Variants in CCDC141 observed in about 807,000 individuals in gnomAD.
The protein encoded by CCDC141 is coiled-coil domain containing 141.
A neutral mutation model predicts 181.0 loss-of-function variants in CCDC141; 168 were observed. The observed-to-expected ratio is 0.93, with a 90% CI of 0.82 to 1.05. CCDC141 has a LOEUF of 1.05. CCDC141 is among the 50% of genes least tolerant of loss of function. The pLI, the probability that CCDC141 is intolerant of heterozygous loss-of-function variation, is 0.00. For synonymous variants in CCDC141, 666 were observed against 642.3 expected, an observed-to-expected ratio of 1.04 and a Z score of -0.56; for missense variants, 1,902 against 1,788.5, an observed-to-expected ratio of 1.06 and a Z score of -1.14.
chr2:179,015,965 T>C (rs1378581853), intron 2 of CCDC141, among the ~76,000 whole-genome samples: 4 of 146,714 alleles, frequency 2.7e-5, no homozygotes, highest in African/African-American at 9.9e-5. Flanking sequence ...ATATATATCA[T>C]ATATATATCT....
At chr2:178,973,627 A>G (rs1170084462) in intron 4 of CCDC141, among the ~76,000 whole-genome samples, 1 of 152,124 alleles carries the variant, frequency 6.6e-6, no homozygotes, top group Non-Finnish European at 1.5e-5. Context: ...TTAAGACTAC[A>G]TTCCCCCTGC....
At chr2:178,976,221 T>A (rs1244028273) in intron 3 of CCDC141, among the ~76,000 whole-genome samples, 2 of 152,312 alleles carry the variant, frequency 1.3e-5, no homozygotes, top group East Asian at 3.9e-4. Context: ...TATCACAATT[T>A]ATATGAGCAT....
chr2:178,884,711 T>C (rs1575168428), intron 11 of CCDC141, among the ~76,000 whole-genome samples, 190 bp downstream of exon 11: 1 of 152,214 alleles, frequency 6.6e-6, no homozygotes, highest in Non-Finnish European at 1.5e-5. Context: ...CTTGGCTAAA[T>C]AAACCTTTAT....
chr2:179,025,876 T>C (rs1390778472), intron 2 of CCDC141, among the ~76,000 whole-genome samples: 1 of 151,996 alleles, frequency 6.6e-6, no homozygotes, highest in African/African-American at 2.4e-5. Context: ...ACTTATTGTG[T>C]TTTAGCAAAG....
intron 1 of CCDC141, among the ~76,000 whole-genome samples, chr2:179,048,962 G>A (rs945867727): frequency 6.6e-6 from 1 of 152,174 alleles, no homozygotes; most frequent in Non-Finnish European, 1.5e-5. Flanking sequence ...AATTAAACCT[G>A]GTGGGGACCT....
At chr2:178,971,224 A>AT (rs1690871558) in intron 4 of CCDC141, among the ~76,000 whole-genome samples, 1 of 152,284 alleles carries the variant, frequency 6.6e-6, no homozygotes, top group Admixed American at 6.5e-5. Context: ...AAAAAAATTT[A>AT]TAAGAAAAAA....
intron 2 of CCDC141, among the ~76,000 whole-genome samples, chr2:178,984,834 C>T (rs1425753756): frequency 2.6e-5 from 4 of 152,190 alleles, no homozygotes; most frequent in East Asian, 3.9e-4. Flanking sequence ...GAGTGACCTA[C>T]GAAGAGACTT....
rs1289701267 is a variant in CCDC141 at position 178,918,890 on chromosome 2, A to G, written c.915T>C (p.Val305=). The change falls in exon 7 of 24, where the codon GTT becomes GTC. Residue 305 remains valine, a synonymous_variant. Transcript: ENST00000443758. Reference sequence around the variant, plus strand: ...TCAGTGCCTCACTCTTCAGCTTCTCAACAGCAGAATTCCATTCCTGCAAGA... The same window carrying G: ...TCAGTGCCTCACTCTTCAGCTTCTCGACAGCAGAATTCCATTCCTGCAAGA... ...IIKAKEWNSA[V]EKLKSEALRI... 1 of 1,550,562 alleles carries G rather than the reference A, an allele frequency of 6.4e-7. No homozygotes were observed. Among genetic ancestry groups the G allele is most frequent in the African/African-American group, 1.4e-5 (1 of 73,180 alleles).
Position 178,853,578 on chromosome 2 carries a change from C to A in CCDC141, c.3107G>T (p.Gly1036Val), listed in dbSNP as rs1685258460. ...EDASATVVRVGKYSTECKTKE... is the reference protein window; with the variant it reads ...EDASATVVRVVKYSTECKTKE... ...TGTCTTGCACTCTGTGGAATATTTT[C>A]CAACTCTTACAACTGTGGCACTTGC... Residue 1036 changes from glycine to valine, a missense_variant, in exon 20 of 24, where the codon GGA (glycine) becomes GTA (valine). Gly to Val is a moderately radical substitution (Grantham distance 109, BLOSUM62 -3). Transcript: ENST00000443758. 1 of 1,613,872 alleles carries A rather than the reference C, an allele frequency of 6.2e-7. No homozygotes were observed. Among genetic ancestry groups the A allele is most frequent in the African/African-American group, 1.3e-5 (1 of 74,914 alleles).
chr2:178,982,870 C>T (rs893243426), intron 2 of CCDC141, among the ~76,000 whole-genome samples: 13 of 152,188 alleles, frequency 8.5e-5, no homozygotes, highest in African/African-American at 2.4e-4. Context: ...AACTGCAAGG[C>T]GGCAGCCAGG....
At chr2:178,881,452 G>C (rs1686602501) in intron 11 of CCDC141, among the ~76,000 whole-genome samples, 1 of 152,188 alleles carries the variant, frequency 6.6e-6, no homozygotes. Context: ...GAAACCCAAA[G>C]GAGGTGAGAG....
At chr2:178,968,334 G>C (rs1690727932) in intron 4 of CCDC141, among the ~76,000 whole-genome samples, 1 of 152,038 alleles carries the variant, frequency 6.6e-6, no homozygotes, top group African/African-American at 2.4e-5. Flanking sequence ...CACATAATTG[G>C]AAGTAAAATA....
At chr2:178,822,274 G>A in the CCDC141 span, among the ~76,000 whole-genome samples, 1 of 151,836 alleles carries the variant, frequency 6.6e-6, no homozygotes, top group South Asian at 2.1e-4. Flanking sequence ...GGGGGAGTGG[G>A]GAGGGATAGC....
At chr2:179,030,828 A>C (rs2042979845) in intron 2 of CCDC141, among the ~76,000 whole-genome samples, 1 of 152,078 alleles carries the variant, frequency 6.6e-6, no homozygotes, top group Admixed American at 6.6e-5. Flanking sequence ...TTGCTACTAG[A>C]AATAATTTGG....
chr2:179,023,164 G>A (rs2042735866), intron 2 of CCDC141, among the ~76,000 whole-genome samples: 1 of 152,130 alleles, frequency 6.6e-6, no homozygotes, highest in Non-Finnish European at 1.5e-5. Flanking sequence ...TTCTTCAATT[G>A]TAAAATGGAG....
intron 14 of CCDC141, among the ~76,000 whole-genome samples, chr2:178,870,231 C>CAAAAAAAAAAAAAAAAAAAA (rs34625707): frequency 6.6e-5 from 4 of 60,288 alleles, no homozygotes; most frequent in African/African-American, 1.8e-4. Flanking sequence ...GACTCTGTCT[C>CAAAAAAAAAAAAAAAAAAAA]AAAAAAAAAA....
chr2:178,950,195 A>C (rs1689892236), intron 5 of CCDC141, among the ~76,000 whole-genome samples: 1 of 152,220 alleles, frequency 6.6e-6, no homozygotes, highest in South Asian at 2.1e-4. Flanking sequence ...TCTTTAACCC[A>C]AGACTTTTTG....
At chr2:178,839,585 A>AAAG in intron 22 of CCDC141, among the ~76,000 whole-genome samples, 1 of 105,198 alleles carries the variant, frequency 9.5e-6, no homozygotes. Context: ...CGTCTCCAAA[A>AAAG]AAAAAAAAAA....
At chr2:178,984,518 G>A (rs1691612552) in intron 2 of CCDC141, among the ~76,000 whole-genome samples, 4 of 151,824 alleles carry the variant, frequency 2.6e-5, no homozygotes, top group Non-Finnish European at 5.9e-5. Context: ...GACACAGACT[G>A]GCAAATTGGA....
Sources: gnomAD v4.1 joint callset for allele counts (sites outside exome capture counted in the v4.1 genomes callset) on GRCh38, gnomAD v4.1.1 for gene constraint, MANE v1.5 for transcripts, NCBI Gene and HGNC (gene_info 2026-07-23, HGNC 2026-07-21) for gene names.